Variants in MYO18A observed in about 807,000 individuals in gnomAD.
MYO18A encodes unconventional myosin-XVIIIa.
MYO18A carries 78 observed loss-of-function variants against 235.8 expected under a neutral mutation model. That is an observed-to-expected ratio of 0.33 (90% CI 0.28 to 0.40). MYO18A has a LOEUF of 0.40. Ranked by LOEUF, MYO18A falls within the 10% of genes least tolerant of loss-of-function variation. The pLI, the probability that MYO18A is intolerant of heterozygous loss-of-function variation, is 1.00. For synonymous variants in MYO18A, 977 were observed against 1,077.8 expected (o/e 0.91, Z 1.83); for missense variants, 2,215 against 2,699.3 (o/e 0.82, Z 3.98).
Position 29,121,640 on chromosome 17 carries a change from G to C in MYO18A, c.1278C>G (p.Arg426=), listed in dbSNP as rs367954240. The C allele has an allele frequency of 4.8e-5, 76 of 1,576,978 alleles. No homozygotes were observed. The African/African-American group carries it at 9.7e-4, about 20-fold the overall frequency. Residue 426 remains arginine, a synonymous_variant, in exon 5 of 42, where the codon CGC becomes CGG. Transcript: ENST00000527372. This position sits in a 1 kb window ranked among gnomAD's most constrained non-coding sequence, Gnocchi z 4.2. ...GCAGCAGGCTAGCGCCATAGCGCTGGCGCAAGGTGTGCAGGACGCTGGACT... is the reference window on the plus strand; with the variant it reads ...GCAGCAGGCTAGCGCCATAGCGCTGCCGCAAGGTGTGCAGGACGCTGGACT... The part of the protein sequence containing the change: ...LNESSVLHTL[R]QRYGASLLHT...
Position 29,166,813 on chromosome 17 carries a change from CG to C in MYO18A, c.127del (p.Arg43ValfsTer6). On this transcript the variant is annotated frameshift_variant, in exon 2 of 42. Coordinates refer to ENST00000527372, the MANE Select transcript of MYO18A (RefSeq NM_078471.4). LOFTEE classifies it high-confidence loss of function. Reference sequence around the variant, plus strand: ...GGAGCGGTTCAGGTTGAAGAAGCCACGTCGCAGGCTCATCTCCTCCAGGCTC... The same window carrying C: ...GGAGCGGTTCAGGTTGAAGAAGCCACTCGCAGGCTCATCTCCTCCAGGCTC... ...LRSLEEMSLR[R>X]GFFNLNRSSK... The C allele has an allele frequency of 6.2e-7, 1 of 1,601,758 alleles. No homozygotes were observed. The highest frequency in any genetic ancestry group is 1.1e-5 in the South Asian group (1 of 89,058).
chr17:29,119,335 C>T lies in MYO18A; in HGVS notation c.1829G>A (p.Arg610Lys). ...YLLACGDGTLRTELHLNHLAE... is the reference protein window; with the variant it reads ...YLLACGDGTLKTELHLNHLAE... ...TTGTGTACCCTCTGACCCATCTCAC[C>T]TGAGGGTGCCATCCCCACAGGCCAG... Residue 610 changes from arginine to lysine, a missense_variant and splice_region_variant, in exon 8 of 42, where the codon AGG (arginine) becomes AAG (lysine). By Grantham distance (26) the Arg-to-Lys change is conservative (BLOSUM62 2). Transcript: ENST00000527372. 2 of 1,610,788 alleles carry T rather than the reference C, an allele frequency of 1.2e-6. No homozygotes were observed.
At chr17:29,134,327 C>T (rs1463166894) in intron 2 of MYO18A, among the ~76,000 whole-genome samples, 1 of 152,164 alleles carries the variant, frequency 6.6e-6, no homozygotes, top group African/African-American at 2.4e-5. Context: ...AGGTGATCCA[C>T]CCGCCTTGGC....
intron 15 of MYO18A, 144 bp downstream of exon 15, chr17:29,113,867 T>C (rs2152832885): frequency 9.4e-6 from 6 of 639,738 alleles, no homozygotes; most frequent in South Asian, 7.6e-5. Flanking sequence ...CAGAGAGTAG[T>C]TGGTGTCTGG....
rs1452044910 is a variant in MYO18A, at chr17:29,111,007, T to C, written c.2901-385A>G. Among the ~76,000 whole-genome samples the C allele has an allele frequency of 1.3e-5, 2 of 152,170 alleles. No individual in the cohort carries two copies. The highest frequency in any genetic ancestry group is 4.8e-5 in the African/African-American group (2 of 41,438). On this transcript the variant is annotated intron_variant, in intron 17 of 41. Transcript: ENST00000527372. The surrounding 1 kb of genome is among the most constrained non-coding windows in gnomAD (Gnocchi z 5.1). The stretch of plus-strand genomic sequence containing the variant: ...TTATGTTTATTGTTCATTATCTGTC[T>C]CTCCCATTAGAATGTAAATTCCACA...
At position 29,121,156 on chromosome 17, in the gene MYO18A, G is replaced by A. The variant is rs1393342616; in HGVS notation, c.1427C>T (p.Ala476Val). ...CGCCCTGTATGCGGTCTGGGCCACTGCATAGATGTGGGGTGCCATGTCCTC... is the reference window on the plus strand; with the variant it reads ...CGCCCTGTATGCGGTCTGGGCCACTACATAGATGTGGGGTGCCATGTCCTC... ...RREDMAPHIY[A>V]VAQTAYRAML... The change falls in exon 6 of 42, where the codon GCA (alanine) becomes GTA (valine). Residue 476 changes from alanine to valine, a missense_variant. Physicochemically the swap from Ala to Val is moderately conservative, Grantham distance 64. Transcript: ENST00000527372. The surrounding 1 kb of genome is among the most constrained non-coding windows in gnomAD (Gnocchi z 4.2). 1.2e-6 allele frequency: 2 copies of A among 1,610,528 alleles called. No individual in the cohort carries two copies. The highest frequency in any genetic ancestry group is 1.7e-6 in the Non-Finnish European group (2 of 1,178,558).
chr17:29,079,174 T>C (rs889108699), intron 41 of MYO18A, among the ~76,000 whole-genome samples: 1 of 152,190 alleles, frequency 6.6e-6, no homozygotes, highest in Non-Finnish European at 1.5e-5. Flanking sequence ...CCCCAGCCTG[T>C]TGGGGCCATG....
intron 2 of MYO18A, among the ~76,000 whole-genome samples, chr17:29,154,834 C>G (rs1388222835): frequency 6.6e-6 from 1 of 152,200 alleles, no homozygotes; most frequent in Admixed American, 6.5e-5. Context: ...CTGCTCTGAG[C>G]CCAGTGCTTC....
At chr17:29,154,129 C>CGCGT (rs2068017393) in intron 2 of MYO18A, among the ~76,000 whole-genome samples, 1 of 111,350 alleles carries the variant, frequency 9.0e-6, no homozygotes, top group African/African-American at 3.1e-5. Context: ...TGTGCGCGCG[C>CGCGT]GTGCGTGTGT....
At chr17:29,178,373 C>T (rs924009172) in intron 1 of MYO18A, among the ~76,000 whole-genome samples, 5 of 152,100 alleles carry the variant, frequency 3.3e-5, no homozygotes, top group Admixed American at 2.6e-4. Flanking sequence ...AGGAAGTGAC[C>T]GCCAGCCTGT....
Position 29,118,395 on chromosome 17 carries a change from C to A in MYO18A, c.1875G>T (p.Gly625=). 6.2e-7 allele frequency: 1 copy of A among 1,607,536 alleles called. No individual in the cohort carries two copies. Among genetic ancestry groups the A allele is most frequent in the Non-Finnish European group, 8.5e-7 (1 of 1,175,122 alleles). ...LNHLAENNVF[G]IVPLAKPEEK... is the part of the protein sequence containing the mutation. ...CCCTCACCTTGGCCAGTGGCACAAT[C>A]CCAAACACATTGTTCTCTGCCAAGT... The change falls in exon 9 of 42, where the codon GGG becomes GGT. Residue 625 remains glycine (G), a synonymous_variant. Coordinates refer to ENST00000527372, the MANE Select transcript of MYO18A (RefSeq NM_078471.4). The surrounding 1 kb of genome is among the most constrained non-coding windows in gnomAD (Gnocchi z 4.2).
chr17:29,093,311 G>T lies in MYO18A; in HGVS notation c.4926+12C>A. On this transcript the variant is annotated intron_variant, in intron 32 of 41. Transcript: ENST00000527372. Reference sequence around the variant, plus strand: ...GAGCCGGCCAGGCTTGGTGGGTGGAGCATCCCCTGACCTGGTCGCTGAGGG... The same window carrying T: ...GAGCCGGCCAGGCTTGGTGGGTGGATCATCCCCTGACCTGGTCGCTGAGGG... The T allele has an allele frequency of 6.2e-7, 1 of 1,604,658 alleles. No homozygotes were observed. The highest frequency in any genetic ancestry group is 8.5e-7 in the Non-Finnish European group (1 of 1,175,368).
At chr17:29,124,029 C>A (rs1160806178) in intron 2 of MYO18A, among the ~76,000 whole-genome samples, 3 of 145,624 alleles carry the variant, frequency 2.1e-5, no homozygotes, top group African/African-American at 5.2e-5. Context: ...GCCTGGGCGA[C>A]AGAGCGAGAC....
In MYO18A at chr17:29,156,386, C is replaced by T. The variant is rs78237853; in HGVS notation, c.999+9556G>A. ...TGTGGGGGCAGGAGGCAGCCTGTCC[C>T]CAGGACCTCCCTTCCCAGGCTCCTG... On this transcript the variant is annotated intron_variant, in intron 2 of 41. Coordinates refer to ENST00000527372, the MANE Select transcript of MYO18A (RefSeq NM_078471.4). Among the ~76,000 whole-genome samples, 426 of 152,314 alleles carry T rather than the reference C, an allele frequency of 2.8e-3. 12 individuals carry two copies. In the East Asian group the frequency reaches 0.072, roughly 26 times the overall value.
intron 21 of MYO18A, among the ~76,000 whole-genome samples, chr17:29,101,827 T>C (rs1385423149): frequency 6.6e-6 from 1 of 152,090 alleles, no homozygotes; most frequent in African/African-American, 2.4e-5. Context: ...CTCAAATCTC[T>C]CTTGAACATT....
At chr17:29,139,272 C>A (rs1433130085) in intron 2 of MYO18A, among the ~76,000 whole-genome samples, 1 of 152,216 alleles carries the variant, frequency 6.6e-6, no homozygotes. Flanking sequence ...ATGCTCACTG[C>A]CCCTCTGGAG....
intron 1 of MYO18A, among the ~76,000 whole-genome samples, chr17:29,177,501 A>G (rs1352230169): frequency 6.6e-6 from 1 of 152,040 alleles, no homozygotes; most frequent in Non-Finnish European, 1.5e-5. Context: ...CACCCCTCCC[A>G]ATCCAGCTCC....
intron 2 of MYO18A, chr17:29,131,463 G>GTCAC: frequency 2.0e-6 from 2 of 985,150 alleles, no homozygotes; most frequent in Non-Finnish European, 2.4e-6. Flanking sequence ...AGATGAAGAA[G>GTCAC]TCACTGGCAG....
At chr17:29,091,789 G>T in intron 34 of MYO18A, 1 of 409,430 alleles carries the variant, frequency 2.4e-6, no homozygotes, top group South Asian at 1.7e-5. Flanking sequence ...CTGCCCACTG[G>T]GGTGGGTCCC....
Sources: gnomAD v4.1 joint callset for allele counts (sites outside exome capture counted in the v4.1 genomes callset) on GRCh38, gnomAD v4.1.1 for gene constraint, Gnocchi (gnomAD v3.1) non-coding constraint, MANE v1.5 for transcripts, NCBI Gene and HGNC (gene_info 2026-07-23, HGNC 2026-07-21) for gene names.